RCOR2: variants seen among roughly 807,000 people sequenced by gnomAD.
RCOR2 encodes the protein REST corepressor 2.
In RCOR2, 19 loss-of-function variants were observed where a neutral mutation model predicts 58.9. The observed-to-expected ratio is 0.32, with a 90% confidence interval of 0.23 to 0.47. The LOEUF (loss-of-function observed/expected upper bound fraction) is 0.47, where lower values mean the gene tolerates loss of function less well. Ranked by LOEUF, RCOR2 falls within the 20% of genes least tolerant of loss-of-function variation. The pLI, the probability that RCOR2 is intolerant of heterozygous loss-of-function variation, is 1.00. For missense variants in RCOR2, 590 were observed against 707.9 expected (o/e 0.83, Z 1.89); for synonymous variants, 286 against 278.7 (o/e 1.03, Z -0.26).
At chr11:63,913,610 G>A (rs1486653152) in intron 8 of RCOR2, among the ~76,000 whole-genome samples, 1 of 151,844 alleles carries the variant, frequency 6.6e-6, no homozygotes, top group East Asian at 1.9e-4. Flanking sequence ...AGCCTCCCGA[G>A]TAGCTGGGAT....
chr11:63,911,601 C>A lies in RCOR2; in HGVS notation c.*264G>T. ...GGCCAAGCCCCAGCAGACTAGGACACAGCCATTCCAGTACCGGCCAGGAAG... is the reference window on the plus strand; with the variant it reads ...GGCCAAGCCCCAGCAGACTAGGACAAAGCCATTCCAGTACCGGCCAGGAAG... On this transcript the variant is annotated 3_prime_UTR_variant, in exon 12 of 12. Transcript: ENST00000301459. 1 of 418,784 alleles carries A rather than the reference C, an allele frequency of 2.4e-6. No homozygotes were observed. Among genetic ancestry groups the A allele is most frequent in the Non-Finnish European group, 4.2e-6 (1 of 240,542 alleles). 25.9% of individuals were successfully genotyped at this position (418,784 alleles called of 1,614,324 possible).
At position 63,912,473 on chromosome 11, in the gene RCOR2, CAG is replaced by C; in HGVS notation, c.1087_1088del (p.Leu363AspfsTer26). On this transcript the variant is annotated frameshift_variant, in exon 11 of 12. Transcript: ENST00000301459. LOFTEE classifies it high-confidence loss of function. Reference protein sequence around the residue: ...AIAEVIGNKTLTQVKTFFVSY... With the variant: ...AIAEVIGNKTXTQVKTFFVSY... ...TCACAAAGAAAGTCTTCACCTGGGT[CAG>C]AGTCTTGTTCCCAATCACCTCTGCA... 2 of 1,614,054 alleles carry C rather than the reference CAG, an allele frequency of 1.2e-6. No individual in the cohort carries two copies. Among genetic ancestry groups the C allele is most frequent in the Non-Finnish European group, 8.5e-7 (1 of 1,180,006 alleles).
upstream of RCOR2, among the ~76,000 whole-genome samples, chr11:63,919,753 G>C (rs1386813801): frequency 6.6e-6 from 1 of 152,214 alleles, no homozygotes; most frequent in East Asian, 1.9e-4. Context: ...AGGGCTCCCG[G>C]GAATGCCCTC....
upstream of RCOR2, among the ~76,000 whole-genome samples, chr11:63,921,957 G>A (rs941329914): frequency 2.6e-5 from 4 of 152,236 alleles, no homozygotes; most frequent in African/African-American, 4.8e-5. Flanking sequence ...GTGTTGAGAG[G>A]TGGGACCTTT....
the RCOR2 span, among the ~76,000 whole-genome samples, chr11:63,922,841 C>A: frequency 6.6e-6 from 1 of 152,248 alleles, no homozygotes; most frequent in East Asian, 1.9e-4. Flanking sequence ...GGATGCTCCA[C>A]CCACCCTGCA....
intron 8 of RCOR2, 119 bp downstream of exon 8, chr11:63,913,835 C>T: frequency 1.0e-6 from 1 of 954,008 alleles, no homozygotes; most frequent in Non-Finnish European, 1.7e-6. Context: ...TACTCAGAGT[C>T]CCAGAGGATG....
chr11:63,922,785 G>T, the RCOR2 span, among the ~76,000 whole-genome samples: 1 of 152,126 alleles, frequency 6.6e-6, no homozygotes, highest in Non-Finnish European at 1.5e-5. Flanking sequence ...GTATGATCCA[G>T]CCAAACAGGT....
Position 63,917,135 on chromosome 11 carries a change from CCG to C in RCOR2, c.-681_-680del, listed in dbSNP as rs1447931577. On this transcript the variant is annotated 5_prime_UTR_variant, in exon 1 of 12. Coordinates refer to ENST00000301459, the MANE Select transcript of RCOR2 (RefSeq NM_173587.4). ...GGGATGCCGCTTGCTCGCCCGCTCT[CCG>C]CCGCCGCTCGCTCCTCGCGCACACA... Among the ~76,000 whole-genome samples, 1 of 151,862 alleles carries C rather than the reference CCG, an allele frequency of 6.6e-6. No homozygotes were observed. Among genetic ancestry groups the C allele is most frequent in the Admixed American group, 6.5e-5 (1 of 15,270 alleles).
At chr11:63,913,064 T>G in intron 8 of RCOR2, 117 bp from the exon 9 acceptor site, 2 of 835,466 alleles carry the variant, frequency 2.4e-6, no homozygotes, top group Non-Finnish European at 3.7e-6. Flanking sequence ...CAAAGCTTTC[T>G]GCCATCCACC....
chr11:63,925,425 G>A, the RCOR2 span, among the ~76,000 whole-genome samples: 1 of 152,148 alleles, frequency 6.6e-6, no homozygotes, highest in Non-Finnish European at 1.5e-5. Context: ...TGTTGTAAAT[G>A]TAAGACAAAA....
Position 63,914,429 on chromosome 11 carries a change from T to G in RCOR2, c.593A>C (p.Asp198Ala). The change falls in exon 6 of 12, where the codon GAC (aspartate) becomes GCC (alanine). Residue 198 changes from aspartate to alanine, a missense_variant. Asp to Ala is a moderately radical substitution (Grantham distance 126, BLOSUM62 -2). Transcript: ENST00000301459. The part of the protein sequence containing the change: ...RQARRLGGRK[D>A]KEDSDELEEG... ...CTCCTGCCCCCACCTGTCTTCTTTG[T>G]CCTTGCGGCCCCCCAGCCGCCGGGC... 1 of 1,613,526 alleles carries G rather than the reference T, an allele frequency of 6.2e-7. No individual in the cohort carries two copies. The highest frequency in any genetic ancestry group is 8.5e-7 in the Non-Finnish European group (1 of 1,180,006).
In RCOR2 at chr11:63,912,964, G is replaced by A; in HGVS notation, c.892-17C>T. The stretch of plus-strand genomic sequence containing the variant: ...GCTCTGTACCTGGGAAGGCCAGGAA[G>A]TGGAGGAATATCAGACTCCCATCTC... On this transcript the variant is annotated splice_polypyrimidine_tract_variant and intron_variant, in intron 8 of 11. Coordinates refer to ENST00000301459, the MANE Select transcript of RCOR2 (RefSeq NM_173587.4). 4 of 1,608,730 alleles carry A rather than the reference G, an allele frequency of 2.5e-6. No individual in the cohort carries two copies. The highest frequency in any genetic ancestry group is 2.2e-5 in the East Asian group (1 of 44,754).
chr11:63,915,297 A>C, intron 2 of RCOR2, 39 bp from the exon 3 acceptor site: 1 of 1,529,762 alleles, frequency 6.5e-7, no homozygotes, highest in African/African-American at 1.4e-5. Context: ...CACTCAGATC[A>C]GCCTGGTGGC....
At chr11:63,925,498 TATG>T in the RCOR2 span, among the ~76,000 whole-genome samples, 723 of 152,120 alleles carry the variant, frequency 4.8e-3, 10 homozygotes, top group African/African-American at 0.017. Flanking sequence ...AAGCCAACAC[TATG>T]GAGAATACCA....
At position 63,914,127 on chromosome 11, in the gene RCOR2, T is replaced by C. The variant is rs1941820425; in HGVS notation, c.718A>G (p.Lys240Glu). 1 of 1,613,788 alleles carries C rather than the reference T, an allele frequency of 6.2e-7. No homozygotes were observed. Among genetic ancestry groups the C allele is most frequent in the East Asian group, 2.2e-5 (1 of 44,876 alleles). The change falls in exon 8 of 12, where the codon AAA (lysine) becomes GAA (glutamate). Residue 240 changes from lysine (K) to glutamate (E), a missense_variant. Physicochemically the swap from Lys to Glu is moderately conservative, Grantham distance 56. Coordinates refer to ENST00000301459, the MANE Select transcript of RCOR2 (RefSeq NM_173587.4). ...RPLNARPGPG[K>E]KEVQVSQYRH... The stretch of plus-strand genomic sequence containing the variant: ...TACTGAGACACCTGGACCTCCTTTT[T>C]CCCAGGGCCTGGGCGTGCATTCAGG...
At chr11:63,921,990 G>A (rs892348599), upstream of RCOR2, among the ~76,000 whole-genome samples, 2 of 152,216 alleles carry the variant, frequency 1.3e-5, no homozygotes, top group African/African-American at 4.8e-5. Flanking sequence ...GTGCCCTCAG[G>A]AATGGATTAA....
At chr11:63,924,427 T>C in the RCOR2 span, among the ~76,000 whole-genome samples, 2 of 152,162 alleles carry the variant, frequency 1.3e-5, no homozygotes, top group African/African-American at 4.8e-5. Context: ...CAGGCTGGTC[T>C]CGTAATCCTG....
At chr11:63,924,630 A>C in the RCOR2 span, among the ~76,000 whole-genome samples, 1 of 151,738 alleles carries the variant, frequency 6.6e-6, no homozygotes, top group Admixed American at 6.6e-5. Context: ...CCTTCATCCT[A>C]TTCCTGAAAG....
the RCOR2 span, among the ~76,000 whole-genome samples, chr11:63,927,074 C>T: frequency 6.6e-6 from 1 of 151,940 alleles, no homozygotes; most frequent in African/African-American, 2.4e-5. Context: ...CTCCTGGCCT[C>T]ACGTGATCCA....
Sources: allele counts gnomAD v4.1 joint callset (sites outside exome capture counted in the v4.1 genomes callset), GRCh38; gene constraint gnomAD v4.1.1; transcripts MANE v1.5; gene names NCBI Gene and HGNC (gene_info 2026-07-23, HGNC 2026-07-21).